ZNF609: variants seen among roughly 807,000 people sequenced by gnomAD.
ZNF609 encodes the protein zinc finger protein 609.
A neutral mutation model predicts 109.5 loss-of-function variants in ZNF609; 11 were observed. The observed-to-expected ratio is 0.10, with a 90% CI of 0.06 to 0.17. ZNF609 has a LOEUF of 0.17. Ranked by LOEUF, ZNF609 falls within the 10% of genes least tolerant of loss-of-function variation. ZNF609 has a pLI of 1.00. For synonymous variants in ZNF609, 646 were observed against 662.0 expected (o/e 0.98, Z 0.37); for missense variants, 1,559 against 1,772.4 (o/e 0.88, Z 2.16).
At position 64,674,860 on chromosome 15, in the gene ZNF609, A is replaced by G. The variant is rs1361173600; in HGVS notation, c.2006A>G (p.Tyr669Cys). Residue 669 changes from tyrosine to cysteine, a missense_variant, in exon 5 of 10, where the codon TAC (tyrosine) becomes TGC (cysteine). By Grantham distance (194) the Tyr-to-Cys change is radical (BLOSUM62 -2). Transcript: ENST00000326648. Reference sequence around the variant, plus strand: ...CCTGCCATCCCCCCACAGCAAATCTACACCTTCCAGACAGCCACCTTCACA... The same window carrying G: ...CCTGCCATCCCCCCACAGCAAATCTGCACCTTCCAGACAGCCACCTTCACA... ...IAPAIPPQQIYTFQTATFTAA... is the reference protein window; with the variant it reads ...IAPAIPPQQICTFQTATFTAA... 1.7e-5 allele frequency: 28 copies of G among 1,614,078 alleles called. No homozygotes were observed. Among genetic ancestry groups the G allele is most frequent in the Non-Finnish European group, 2.4e-5 (28 of 1,180,024 alleles).
At chr15:64,535,307 C>T (rs1297091460) in intron 2 of ZNF609, among the ~76,000 whole-genome samples, 1 of 152,120 alleles carries the variant, frequency 6.6e-6, no homozygotes, top group Non-Finnish European at 1.5e-5. Flanking sequence ...GCCTCTACCT[C>T]TCATAGCACT....
chr15:64,671,844 T>C (rs868203060), intron 4 of ZNF609, among the ~76,000 whole-genome samples: 1 of 152,268 alleles, frequency 6.6e-6, no homozygotes, highest in South Asian at 2.1e-4. Context: ...CTGCCCATTG[T>C]TCCCATGAAA....
intron 2 of ZNF609, among the ~76,000 whole-genome samples, chr15:64,543,158 A>G (rs906752250): frequency 3.3e-5 from 5 of 152,076 alleles, no homozygotes; most frequent in African/African-American, 4.8e-5. Context: ...TTAAAGTAAA[A>G]TTTAAAAAAT....
intron 1 of ZNF609, among the ~76,000 whole-genome samples, chr15:64,489,480 C>G (rs982882560): frequency 1.3e-5 from 2 of 148,666 alleles, no homozygotes; most frequent in Admixed American, 6.8e-5. Flanking sequence ...GTGCCTGGCA[C>G]AAGCCTAGTT....
intron 3 of ZNF609, among the ~76,000 whole-genome samples, chr15:64,625,402 C>T (rs1477368442): frequency 6.6e-6 from 1 of 152,056 alleles, no homozygotes; most frequent in African/African-American, 2.4e-5. Context: ...TACCTGTAAT[C>T]CCAGCTACTT....
intron 2 of ZNF609, among the ~76,000 whole-genome samples, chr15:64,600,909 G>A (rs535112776): frequency 1.3e-5 from 2 of 152,180 alleles, no homozygotes; most frequent in South Asian, 4.2e-4. Flanking sequence ...ATCAAGGCTT[G>A]ACTGCTTTAT....
At chr15:64,513,745 C>T (rs1893766869) in intron 2 of ZNF609, among the ~76,000 whole-genome samples, 1 of 152,044 alleles carries the variant, frequency 6.6e-6, no homozygotes, top group Non-Finnish European at 1.5e-5. Context: ...CACCCTAAGC[C>T]TAGTAAAATG....
chr15:64,537,532 A>G (rs1336305569), intron 2 of ZNF609, among the ~76,000 whole-genome samples: 2 of 151,712 alleles, frequency 1.3e-5, no homozygotes, highest in Non-Finnish European at 2.9e-5. Context: ...GAAAAAAAAG[A>G]GCAGAGTGAG....
chr15:64,659,202 G>A (rs1038543967), intron 3 of ZNF609, among the ~76,000 whole-genome samples: 1 of 152,102 alleles, frequency 6.6e-6, no homozygotes, highest in East Asian at 1.9e-4. Context: ...TATAAAACGC[G>A]TTTTTAGTTT....
chr15:64,625,078 C>G (rs1257581934), intron 3 of ZNF609, among the ~76,000 whole-genome samples: 1 of 152,008 alleles, frequency 6.6e-6, no homozygotes, highest in Non-Finnish European at 1.5e-5. Flanking sequence ...TCTTAAGGTA[C>G]TCTATACTTT....
Position 64,675,687 on chromosome 15 carries a change from G to A in ZNF609, c.2833G>A (p.Glu945Lys). 1 of 1,613,956 alleles carries A rather than the reference G, an allele frequency of 6.2e-7. No individual in the cohort carries two copies. Among genetic ancestry groups the A allele is most frequent in the East Asian group, 2.2e-5 (1 of 44,888 alleles). ...IEGKVKNDIC[E>K]EKKPELSSSS... Reference sequence around the variant, plus strand: ...AGGGAAAGTGAAGAACGATATCTGTGAAGAAAAGAAGCCCGAGCTGAGCAG... The same window carrying A: ...AGGGAAAGTGAAGAACGATATCTGTAAAGAAAAGAAGCCCGAGCTGAGCAG... Residue 945 changes from glutamate (E) to lysine (K), a missense_variant, in exon 5 of 10, where the codon GAA (glutamate) becomes AAA (lysine). Physicochemically the swap from Glu to Lys is moderately conservative, Grantham distance 56. Around this residue, in one of 4 missense-constraint regions of ZNF609, gnomAD observed 1,204 missense variants for 1,314.1 expected, o/e 0.92. Transcript: ENST00000326648.
intron 3 of ZNF609, among the ~76,000 whole-genome samples, chr15:64,652,627 A>G (rs895680714): frequency 9.2e-5 from 14 of 151,986 alleles, no homozygotes; most frequent in African/African-American, 2.4e-4. Context: ...GGCTCAAACA[A>G]TCCTCCCACC....
intron 1 of ZNF609, among the ~76,000 whole-genome samples, chr15:64,483,472 G>A (rs983295374): frequency 6.6e-6 from 1 of 151,888 alleles, no homozygotes; most frequent in Middle Eastern, 3.2e-3. Flanking sequence ...CTGCTTCATC[G>A]ACCTCCTGGG....
intron 3 of ZNF609, among the ~76,000 whole-genome samples, chr15:64,646,604 A>C (rs1368835814): frequency 3.7e-5 from 5 of 134,340 alleles, no homozygotes; most frequent in Non-Finnish European, 7.8e-5. Context: ...ACTGCACTCC[A>C]GCCTGCACAA....
At chr15:64,552,737 A>C (rs890141737) in intron 2 of ZNF609, among the ~76,000 whole-genome samples, 1 of 152,050 alleles carries the variant, frequency 6.6e-6, no homozygotes, top group Non-Finnish European at 1.5e-5. Context: ...GCAGCCCCAA[A>C]CTGCTGGGCT....
chr15:64,486,648 C>T (rs1893338930), intron 1 of ZNF609, among the ~76,000 whole-genome samples: 1 of 151,648 alleles, frequency 6.6e-6, no homozygotes, highest in Non-Finnish European at 1.5e-5. Context: ...CACAGTCTTG[C>T]TCTGTCACCC....
At chr15:64,617,932 A>T (rs1393682975) in intron 2 of ZNF609, among the ~76,000 whole-genome samples, 1 of 152,224 alleles carries the variant, frequency 6.6e-6, no homozygotes, top group Non-Finnish European at 1.5e-5. Context: ...CCTAGGAGCC[A>T]TGATGGCACT....
At chr15:64,507,055 A>G (rs893206449) in intron 2 of ZNF609, among the ~76,000 whole-genome samples, 12 of 152,194 alleles carry the variant, frequency 7.9e-5, no homozygotes, top group African/African-American at 2.9e-4. Context: ...AAGACCAAAA[A>G]TTAGCTTAGG....
At chr15:64,503,482 A>C (rs2140353093) in intron 2 of ZNF609, among the ~76,000 whole-genome samples, 1 of 152,176 alleles carries the variant, frequency 6.6e-6, no homozygotes, top group East Asian at 1.9e-4. Context: ...GAGTGTCCTG[A>C]GCTTAGTGCT....
Sources: gnomAD v4.1 joint callset for allele counts (sites outside exome capture counted in the v4.1 genomes callset) on GRCh38, gnomAD v4.1.1 for gene constraint, gnomAD v4.1.1 regional missense constraint, MANE v1.5 for transcripts, NCBI Gene and HGNC (gene_info 2026-07-23, HGNC 2026-07-21) for gene names.